RIN2: variants seen among roughly 807,000 people sequenced by gnomAD.
RIN2 encodes the protein RAB5 interacting protein 2.
A neutral mutation model predicts 78.0 loss-of-function variants in RIN2; 36 were observed. The observed-to-expected ratio is 0.46, with a 90% CI of 0.35 to 0.61. The LOEUF (loss-of-function observed/expected upper bound fraction) is 0.61, where lower values mean the gene tolerates loss of function less well. Among genes scored for constraint, RIN2 ranks in the 20% least tolerant of loss-of-function variants. RIN2 has a pLI of 0.00. For synonymous variants in RIN2, 466 were observed against 466.8 expected, an observed-to-expected ratio of 1.00 and a Z score of 0.02; for missense variants, 1,087 against 1,159.7, an observed-to-expected ratio of 0.94 and a Z score of 0.91.
At chr20:19,971,185 AT>A (rs11461198) in intron 8 of RIN2, among the ~76,000 whole-genome samples, 79 of 148,366 alleles carry the variant, frequency 5.3e-4, no homozygotes, top group Admixed American at 6.7e-4. Flanking sequence ...CGCGTGCATG[AT>A]TTTTTTTTTT....
intron 1 of RIN2, among the ~76,000 whole-genome samples, chr20:19,776,004 G>T (rs7262886): frequency 5.6e-4 from 86 of 152,332 alleles, no homozygotes; most frequent in African/African-American, 1.8e-3. Context: ...TTACCCAGGC[G>T]TTCTCTGGCC....
intron 10 of RIN2, among the ~76,000 whole-genome samples, chr20:19,990,903 T>G (rs1199042777): frequency 6.6e-6 from 1 of 152,222 alleles, no homozygotes; most frequent in African/African-American, 2.4e-5. Flanking sequence ...TGCTACAAGC[T>G]GAAGCAATAT....
intron 3 of RIN2, among the ~76,000 whole-genome samples, chr20:19,910,270 G>C (rs904406775): frequency 7.1e-6 from 1 of 139,994 alleles, no homozygotes; most frequent in African/African-American, 2.9e-5. Context: ...TCTGCCTCCC[G>C]GGTTCAAGTG....
intron 2 of RIN2, among the ~76,000 whole-genome samples, chr20:19,818,618 G>C (rs1297699291): frequency 6.6e-6 from 1 of 151,936 alleles, no homozygotes; most frequent in East Asian, 1.9e-4. Context: ...TGTAATACCA[G>C]CTACTTGGGA....
chr20:19,859,135 A>T (rs915478530), intron 2 of RIN2, among the ~76,000 whole-genome samples: 1 of 152,192 alleles, frequency 6.6e-6, no homozygotes, highest in Non-Finnish European at 1.5e-5. Context: ...TTGGGACTAC[A>T]TTGATGAATC....
chr20:19,975,370 C>A lies in RIN2; in HGVS notation c.1345C>A (p.Pro449Thr). 2 of 1,613,928 alleles carry A rather than the reference C, an allele frequency of 1.2e-6. No individual in the cohort carries two copies. The highest frequency in any genetic ancestry group is 1.1e-5 in the South Asian group (1 of 91,068). Residue 449 changes from proline (P) to threonine (T), a missense_variant, in exon 9 of 13, where the codon CCT (proline) becomes ACT (threonine). By Grantham distance (38) the Pro-to-Thr change is conservative. Around this residue, in one of 8 missense-constraint regions of RIN2, gnomAD observed 706 missense variants for 667.5 expected, o/e 1.06. Coordinates refer to ENST00000255006, the MANE Select transcript of RIN2 (RefSeq NM_018993.4). This position sits in a 1 kb window ranked among gnomAD's most constrained non-coding sequence, Gnocchi z 4.9. The stretch of plus-strand genomic sequence containing the variant: ...CTCGCTGGAGTTCGACCGGAGCATG[C>A]CTCTGTTTGGCTACGAGGCGGACAC... ...SDSLEFDRSM[P>T]LFGYEADTNS...
intron 9 of RIN2, 58 bp from the exon 10 acceptor site, chr20:19,989,948 A>G: frequency 6.9e-7 from 1 of 1,443,282 alleles, no homozygotes; most frequent in Non-Finnish European, 9.2e-7. Flanking sequence ...AAGAAAGCAG[A>G]TGTTGCATTT....
chr20:19,852,527 G>C lies in RIN2; in HGVS notation c.-36-37039G>C, dbSNP rs543578471. Among the ~76,000 whole-genome samples, 36 of 152,266 alleles carry C rather than the reference G, an allele frequency of 2.4e-4. No homozygotes were observed. The South Asian group carries it at 6.0e-3, about 25-fold the overall frequency. On this transcript the variant is annotated intron_variant, in intron 2 of 12. Coordinates refer to ENST00000255006, the MANE Select transcript of RIN2 (RefSeq NM_018993.4). ...AGAGCAAGCAAGAAGCATTGGTTGG[G>C]CGATCCTAAAGGCTTGAATTATCCA...
intron 6 of RIN2, among the ~76,000 whole-genome samples, chr20:19,964,379 G>A (rs1333120968): frequency 6.6e-6 from 1 of 152,164 alleles, no homozygotes; most frequent in Non-Finnish European, 1.5e-5. Context: ...AAAGTGCTGG[G>A]ATTACATGCA....
intron 3 of RIN2, among the ~76,000 whole-genome samples, chr20:19,927,042 G>A (rs1041479568): frequency 6.6e-6 from 1 of 152,182 alleles, no homozygotes; most frequent in African/African-American, 2.4e-5. Context: ...CGCCTAGTGG[G>A]CAAATCTCTA....
intron 9 of RIN2, among the ~76,000 whole-genome samples, chr20:19,985,041 A>G (rs1447470264): frequency 2.0e-5 from 3 of 152,198 alleles, no homozygotes; most frequent in Non-Finnish European, 4.4e-5. Context: ...TGGCCTCCCC[A>G]CGGCTCCCAG....
chr20:19,908,460 C>T (rs7272347), intron 3 of RIN2, among the ~76,000 whole-genome samples: 51,304 of 147,400 alleles, frequency 0.35, 8,939 homozygotes, highest in East Asian at 0.43. Context: ...CACTGCACTC[C>T]GGCCTGGGCC....
intron 3 of RIN2, among the ~76,000 whole-genome samples, chr20:19,891,835 G>A (rs1433358995): frequency 4.6e-5 from 7 of 152,050 alleles, no homozygotes; most frequent in Admixed American, 4.6e-4. Context: ...TCTAAAAAAA[G>A]AAGAAGAAGA....
intron 4 of RIN2, among the ~76,000 whole-genome samples, chr20:19,948,736 C>T (rs892625916): frequency 6.6e-6 from 1 of 152,128 alleles, no homozygotes; most frequent in Non-Finnish European, 1.5e-5. Flanking sequence ...CTCGGGAACA[C>T]TCCCCAAGGC....
chr20:19,872,331 C>A (rs2037713755), intron 2 of RIN2: 2 of 152,098 alleles, frequency 1.3e-5, no homozygotes, highest in South Asian at 4.2e-4. Context: ...TGGACTAATA[C>A]CATGGGCTTG....
intron 1 of RIN2, among the ~76,000 whole-genome samples, chr20:19,784,324 GTGTGTGTGTGTA>G (rs903828958): frequency 6.7e-6 from 1 of 149,798 alleles, no homozygotes; most frequent in Non-Finnish European, 1.5e-5. Context: ...ACAATTATGT[GTGTGTGTGTGTA>G]TGTGTGTGTG....
chr20:19,779,070 A>G (rs2034408844), intron 1 of RIN2, among the ~76,000 whole-genome samples: 1 of 152,226 alleles, frequency 6.6e-6, no homozygotes, highest in Admixed American at 6.5e-5. Context: ...CACGAGAGCA[A>G]TAATGGTAGT....
At chr20:19,853,547 G>A (rs537971323) in intron 2 of RIN2, among the ~76,000 whole-genome samples, 1 of 152,270 alleles carries the variant, frequency 6.6e-6, no homozygotes, top group East Asian at 1.9e-4. Flanking sequence ...AGCACCTGTT[G>A]TCTCCTGACT....
chr20:19,927,642 T>G (rs567601262), intron 3 of RIN2, among the ~76,000 whole-genome samples: 1 of 152,156 alleles, frequency 6.6e-6, no homozygotes, highest in East Asian at 1.9e-4. Context: ...CTGAAACTCC[T>G]GAGTTCAGGC....
Sources: gnomAD v4.1 joint callset for allele counts (sites outside exome capture counted in the v4.1 genomes callset) on GRCh38, gnomAD v4.1.1 for gene constraint, gnomAD v4.1.1 regional missense constraint, Gnocchi (gnomAD v3.1) non-coding constraint, MANE v1.5 for transcripts, NCBI Gene and HGNC (gene_info 2026-07-23, HGNC 2026-07-21) for gene names.